ULK4: variants seen among roughly 807,000 people sequenced by gnomAD.
ULK4 encodes inactive serine/threonine-protein kinase ULK4.
Under a neutral mutation model 160.6 loss-of-function variants are expected in ULK4, and 133 were observed. That is an observed-to-expected ratio of 0.83 (90% CI 0.72 to 0.96). The LOEUF is 0.96. Among genes scored for constraint, ULK4 ranks in the 40% least tolerant of loss-of-function variants. The pLI, the probability that ULK4 is intolerant of heterozygous loss-of-function variation, is 0.00. For missense variants in ULK4, 1,580 were observed against 1,499.5 expected, an observed-to-expected ratio of 1.05 and a Z score of -0.89; for synonymous variants, 534 against 539.8, an observed-to-expected ratio of 0.99 and a Z score of 0.15.
At chr3:41,742,897 ATAAAT>A (rs1297104856) in intron 22 of ULK4, among the ~76,000 whole-genome samples, 1 of 151,806 alleles carries the variant, frequency 6.6e-6, no homozygotes, top group Admixed American at 6.6e-5. Flanking sequence ...ATGACTACAA[ATAAAT>A]TAAACTTATG....
At chr3:41,789,960 T>G in intron 20 of ULK4, 117 bp from the exon 21 acceptor site, 1 of 948,660 alleles carries the variant, frequency 1.1e-6, no homozygotes, top group Non-Finnish European at 1.4e-6. Flanking sequence ...GCTCTTTTAT[T>G]ACTTATTTTG....
intron 35 of ULK4, among the ~76,000 whole-genome samples, chr3:41,349,168 T>C (rs1219843971): frequency 6.6e-6 from 1 of 152,222 alleles, no homozygotes; most frequent in Non-Finnish European, 1.5e-5. Flanking sequence ...GAACTCCTAC[T>C]GAATTCACCA....
At chr3:41,547,548 A>G (rs1451898843) in intron 32 of ULK4, among the ~76,000 whole-genome samples, 1 of 152,140 alleles carries the variant, frequency 6.6e-6, no homozygotes, top group Admixed American at 6.5e-5. Flanking sequence ...TCACTCTTAC[A>G]GGCCCTGAGA....
At chr3:41,824,035 C>T (rs1006205932) in intron 18 of ULK4, among the ~76,000 whole-genome samples, 12 of 151,890 alleles carry the variant, frequency 7.9e-5, no homozygotes, top group African/African-American at 2.9e-4. Flanking sequence ...TGGTGGTGTA[C>T]ACTTGAAGTC....
chr3:41,487,033 C>G (rs893838389), intron 32 of ULK4, among the ~76,000 whole-genome samples: 5 of 152,104 alleles, frequency 3.3e-5, no homozygotes, highest in Non-Finnish European at 7.4e-5. Context: ...TGAAAAGAAA[C>G]TCTTACTAAT....
At chr3:41,897,061 C>T in intron 14 of ULK4, 58 bp from the exon 15 acceptor site, 1 of 1,449,964 alleles carries the variant, frequency 6.9e-7, no homozygotes, top group Non-Finnish European at 9.4e-7. Flanking sequence ...CTGCTGGAAA[C>T]ATTACATAAG....
chr3:41,280,557 T>A (rs1297681368), intron 35 of ULK4, among the ~76,000 whole-genome samples: 2 of 152,218 alleles, frequency 1.3e-5, no homozygotes, highest in Non-Finnish European at 2.9e-5. Context: ...CCTGAGTGAC[T>A]ACTGAGTAAA....
chr3:41,852,819 A>G (rs1160098536), intron 17 of ULK4, among the ~76,000 whole-genome samples: 2 of 152,204 alleles, frequency 1.3e-5, no homozygotes, highest in Non-Finnish European at 2.9e-5. Flanking sequence ...GAGACCATTA[A>G]TATTAAGTTG....
intron 25 of ULK4, among the ~76,000 whole-genome samples, chr3:41,707,376 T>C (rs2036937508): frequency 6.6e-6 from 1 of 151,884 alleles, no homozygotes; most frequent in Non-Finnish European, 1.5e-5. Flanking sequence ...TGGGATTACA[T>C]CAACATAAAA....
intron 30 of ULK4, among the ~76,000 whole-genome samples, chr3:41,640,884 A>G (rs141167371): frequency 1.9e-4 from 29 of 152,338 alleles, no homozygotes; most frequent in African/African-American, 7.0e-4. Context: ...TGGAGTGAAG[A>G]TCAAGAACAC....
intron 34 of ULK4, among the ~76,000 whole-genome samples, chr3:41,431,156 T>C (rs767817278): frequency 3.3e-5 from 5 of 152,126 alleles, no homozygotes; most frequent in Non-Finnish European, 7.4e-5. Flanking sequence ...AAGACTATTC[T>C]GGCCAACATG....
At chr3:41,370,228 T>C (rs2081335918) in intron 35 of ULK4, among the ~76,000 whole-genome samples, 1 of 152,208 alleles carries the variant, frequency 6.6e-6, no homozygotes, top group Non-Finnish European at 1.5e-5. Flanking sequence ...ATCAAAACTT[T>C]TGTGGAACTT....
intron 32 of ULK4, among the ~76,000 whole-genome samples, chr3:41,526,633 T>C (rs1331425563): frequency 6.6e-6 from 1 of 152,210 alleles, no homozygotes; most frequent in Non-Finnish European, 1.5e-5. Flanking sequence ...ATCTCAGTAC[T>C]GTCACCAAAG....
At chr3:41,855,193 T>C (rs2042307084) in intron 17 of ULK4, among the ~76,000 whole-genome samples, 2 of 137,530 alleles carry the variant, frequency 1.5e-5, no homozygotes, top group Non-Finnish European at 3.0e-5. Flanking sequence ...CTTACCAATA[T>C]AGGGTACCTT....
chr3:41,912,447 C>A (rs1419647590), intron 9 of ULK4, among the ~76,000 whole-genome samples: 2 of 151,918 alleles, frequency 1.3e-5, no homozygotes, highest in Non-Finnish European at 2.9e-5. Flanking sequence ...GAATAACACA[C>A]ATTGCTTTTA....
intron 32 of ULK4, among the ~76,000 whole-genome samples, chr3:41,468,082 C>A (rs2083880218): frequency 6.6e-6 from 1 of 152,162 alleles, no homozygotes; most frequent in South Asian, 2.1e-4. Context: ...TGGCACTATA[C>A]TCTCACTAGA....
chr3:41,690,847 G>C (rs905051366), intron 27 of ULK4, among the ~76,000 whole-genome samples: 2 of 151,788 alleles, frequency 1.3e-5, no homozygotes, highest in East Asian at 1.9e-4. Flanking sequence ...ATGCAAAAGG[G>C]GGGTACTTCC....
chr3:41,732,988 T>C (rs1362220701), intron 22 of ULK4, among the ~76,000 whole-genome samples: 1 of 152,112 alleles, frequency 6.6e-6, no homozygotes. Context: ...CAGGGAAAGT[T>C]TGTACAAAAT....
intron 17 of ULK4, among the ~76,000 whole-genome samples, chr3:41,842,439 T>C (rs2041956809): frequency 6.6e-6 from 1 of 152,230 alleles, no homozygotes; most frequent in Non-Finnish European, 1.5e-5. Context: ...CATGTTGAAA[T>C]CTGATCCCCA....
Sources: allele counts gnomAD v4.1 joint callset (sites outside exome capture counted in the v4.1 genomes callset), GRCh38; gene constraint gnomAD v4.1.1; transcripts MANE v1.5; gene names NCBI Gene and HGNC (gene_info 2026-07-23, HGNC 2026-07-21).